Variants in BCL9 observed in about 807,000 individuals in gnomAD.
BCL9 encodes B-cell CLL/lymphoma 9 protein.
BCL9 carries 25 observed loss-of-function variants against 88.5 expected under a neutral mutation model. The observed-to-expected ratio is 0.28, with a 90% CI of 0.21 to 0.39. BCL9 has a LOEUF of 0.39. Among genes scored for constraint, BCL9 ranks in the 10% least tolerant of loss-of-function variants. BCL9 has a pLI of 1.00. For missense variants in BCL9, 1,817 were observed against 1,877.8 expected, an observed-to-expected ratio of 0.97 and a Z score of 0.60; for synonymous variants, 711 against 673.3, an observed-to-expected ratio of 1.06 and a Z score of -0.87.
intron 1 of BCL9, among the ~76,000 whole-genome samples, chr1:147,598,543 G>T (rs587735042): frequency 6.6e-6 from 1 of 152,268 alleles, no homozygotes; most frequent in South Asian, 2.1e-4. Flanking sequence ...GTTGCCCAAG[G>T]AAGGTTTCCT....
At chr1:147,599,541 G>A (rs1017000310) in intron 1 of BCL9, among the ~76,000 whole-genome samples, 5 of 151,164 alleles carry the variant, frequency 3.3e-5, no homozygotes, top group African/African-American at 4.9e-5. Flanking sequence ...GGGAAGGTCC[G>A]GGAGAGTGAG....
chr1:147,545,291 C>A (rs781880269), intron 1 of BCL9, among the ~76,000 whole-genome samples: 1 of 152,212 alleles, frequency 6.6e-6, no homozygotes, highest in Non-Finnish European at 1.5e-5. Flanking sequence ...GAGCGGTATG[C>A]ACTTCATTTG....
intron 1 of BCL9, among the ~76,000 whole-genome samples, chr1:147,566,940 A>C (rs1655630433): frequency 1.3e-5 from 2 of 152,254 alleles, no homozygotes; most frequent in South Asian, 4.2e-4. Context: ...ACCTTTTACT[A>C]ACTAATCTTG....
chr1:147,591,417 C>CTCTCTAGACA (rs1553199883), intron 1 of BCL9, among the ~76,000 whole-genome samples: 1 of 152,190 alleles, frequency 6.6e-6, no homozygotes, highest in Non-Finnish European at 1.5e-5. Context: ...AGCTCCACCA[C>CTCTCTAGACA]TCTCTAGACA....
At chr1:147,589,744 C>T (rs1656769395) in intron 1 of BCL9, among the ~76,000 whole-genome samples, 1 of 152,172 alleles carries the variant, frequency 6.6e-6, no homozygotes, top group Non-Finnish European at 1.5e-5. Flanking sequence ...AGTTGATGGA[C>T]ATTCAGATTG....
At chr1:147,542,245 C>A (rs587694424) in intron 1 of BCL9, among the ~76,000 whole-genome samples, 5 of 152,346 alleles carry the variant, frequency 3.3e-5, no homozygotes, top group African/African-American at 4.8e-5. Context: ...CCAGCCCAGA[C>A]TCTCCGAGGA....
At chr1:147,591,708 C>T (rs1656851727) in intron 1 of BCL9, among the ~76,000 whole-genome samples, 1 of 152,108 alleles carries the variant, frequency 6.6e-6, no homozygotes, top group African/African-American at 2.4e-5. Context: ...CTTGTCTCTC[C>T]CTCCTGGCCA....
At chr1:147,547,011 T>A (rs12076319) in intron 1 of BCL9, among the ~76,000 whole-genome samples, 7 of 150,058 alleles carry the variant, frequency 4.7e-5, no homozygotes, top group African/African-American at 1.2e-4. Context: ...TGTTTTTTTT[T>A]ATATTGTGCT....
At chr1:147,611,935 C>T (rs372211545) in intron 4 of BCL9, 46 bp downstream of exon 4, 22 of 1,549,726 alleles carry the variant, frequency 1.4e-5, no homozygotes, top group Non-Finnish European at 2.0e-5. Context: ...TTGGGGATGC[C>T]ATAGGCACAT....
chr1:147,591,346 A>G (rs1355794294), intron 1 of BCL9, among the ~76,000 whole-genome samples: 1 of 152,182 alleles, frequency 6.6e-6, no homozygotes, highest in East Asian at 1.9e-4. Flanking sequence ...TACATTGAAG[A>G]GAGGCTATAA....
At chr1:147,586,936 T>C (rs1656629913) in intron 1 of BCL9, among the ~76,000 whole-genome samples, 1 of 152,136 alleles carries the variant, frequency 6.6e-6, no homozygotes, top group Admixed American at 6.5e-5. Context: ...GTTCCTCCGC[T>C]ATCCCTAAGC....
Position 147,624,995 on chromosome 1 carries a change from T to G in BCL9, c.*36T>G, listed in dbSNP as rs373832363. 1.6e-5 allele frequency: 26 copies of G among 1,578,224 alleles called. No individual in the cohort carries two copies. The highest frequency in any genetic ancestry group is 2.2e-5 in the Non-Finnish European group (26 of 1,156,150). On this transcript the variant is annotated 3_prime_UTR_variant, in exon 10 of 10. Coordinates refer to ENST00000234739, the MANE Select transcript of BCL9 (RefSeq NM_004326.4). This position sits in a 1 kb window ranked among gnomAD's most constrained non-coding sequence, Gnocchi z 4.4. ...TGGGATGTGCCGATCCTTGTCAAGA[T>G]GAGATTCCAGGTCCTGAGAGCTGCT...
intron 1 of BCL9, among the ~76,000 whole-genome samples, chr1:147,601,025 G>C (rs766400407): frequency 3.3e-5 from 5 of 152,162 alleles, no homozygotes; most frequent in Non-Finnish European, 7.3e-5. Flanking sequence ...AGCAGGGTTG[G>C]TTATTATGTC....
chr1:147,620,136 A>T lies in BCL9; in HGVS notation c.1981A>T (p.Met661Leu), dbSNP rs1658537317. The T allele has an allele frequency of 1.9e-5, 31 of 1,614,178 alleles. No homozygotes were observed. The East Asian group carries it at 6.9e-4, about 36-fold the overall frequency. Residue 661 changes from methionine (M) to leucine (L), a missense_variant, in exon 8 of 10, where the codon ATG (methionine) becomes TTG (leucine). Coordinates refer to ENST00000234739, the MANE Select transcript of BCL9 (RefSeq NM_004326.4). ...GIRPSMEMNR[M>L]IPGSQRHMEP... ...CAGGCCCAGCATGGAGATGAACAGG[A>T]TGATTCCAGGCTCCCAGCGCCACAT...
chr1:147,596,200 A>C (rs1657041364), intron 1 of BCL9, among the ~76,000 whole-genome samples: 1 of 152,214 alleles, frequency 6.6e-6, no homozygotes. Flanking sequence ...TTTCCACCTA[A>C]CGAAGGAGAC....
At position 147,596,580 on chromosome 1, in the gene BCL9, A is replaced by ATT. The variant is rs587740539; in HGVS notation, c.-477-8192_-477-8191dup. On this transcript the variant is annotated intron_variant, in intron 1 of 9. Transcript: ENST00000234739. ...AGGCGCCGGCCACCACACCCTGCTA[A>ATT]TTTTTTGTATTTTTAGTAGAGACGG... 4.0e-4 allele frequency among the ~76,000 whole-genome samples: 61 copies of ATT among 151,416 alleles called. 1 individual carries two copies. Among genetic ancestry groups the ATT allele is most frequent in the Middle Eastern group, 3.4e-3 (1 of 294 alleles).
At chr1:147,549,922 C>G (rs1553194654) in intron 1 of BCL9, among the ~76,000 whole-genome samples, 1 of 152,156 alleles carries the variant, frequency 6.6e-6, no homozygotes, top group Non-Finnish European at 1.5e-5. Flanking sequence ...AATTACACCC[C>G]TAATTGTTGC....
intron 1 of BCL9, among the ~76,000 whole-genome samples, chr1:147,555,065 T>C (rs1180728063): frequency 2.0e-5 from 3 of 152,202 alleles, no homozygotes; most frequent in Non-Finnish European, 4.4e-5. Flanking sequence ...TTTTTATTAA[T>C]GTATGATTAA....
chr1:147,574,556 C>G (rs1656025155), intron 1 of BCL9, among the ~76,000 whole-genome samples: 1 of 152,104 alleles, frequency 6.6e-6, no homozygotes, highest in Admixed American at 6.6e-5. Context: ...TAGAAGTCAT[C>G]TTTGTTGGTA....
Sources: allele counts gnomAD v4.1 joint callset (sites outside exome capture counted in the v4.1 genomes callset), GRCh38; gene constraint gnomAD v4.1.1; non-coding constraint Gnocchi (gnomAD v3.1); transcripts MANE v1.5; gene names NCBI Gene and HGNC (gene_info 2026-07-23, HGNC 2026-07-21).